COBL: variants seen among roughly 807,000 people sequenced by gnomAD.
The protein encoded by COBL is protein cordon-bleu.
In COBL, 51 loss-of-function variants were observed where a neutral mutation model predicts 98.8. The ratio of observed to expected loss-of-function variants is 0.52; its 90% CI spans 0.41 to 0.65. COBL has a LOEUF of 0.65. Ranked by LOEUF, COBL falls within the 30% of genes least tolerant of loss-of-function variation. The probability of loss-of-function intolerance (pLI) is 0.00; values close to 1 mark genes in which losing one functional copy is unlikely to be tolerated. For synonymous variants in COBL, 634 were observed against 651.7 expected (o/e 0.97, Z 0.41); for missense variants, 1,617 against 1,617.5 (o/e 1.00, Z 0.01).
chr7:51,301,323 G>A (rs762886978), intron 1 of COBL, among the ~76,000 whole-genome samples: 1 of 152,152 alleles, frequency 6.6e-6, no homozygotes. Flanking sequence ...CAACTACCGC[G>A]CCTGGCATCT....
At chr7:51,135,437 A>T (rs1050880608) in intron 6 of COBL, among the ~76,000 whole-genome samples, 3 of 152,138 alleles carry the variant, frequency 2.0e-5, no homozygotes, top group African/African-American at 7.2e-5. Context: ...TGACCAGAGG[A>T]CCGACTTGCA....
chr7:51,178,401 T>G (rs1190278491), intron 5 of COBL, among the ~76,000 whole-genome samples: 1 of 152,028 alleles, frequency 6.6e-6, no homozygotes, highest in African/African-American at 2.4e-5. Context: ...CTGAATGAGG[T>G]TGGATGGATT....
At chr7:51,126,111 T>C (rs1798181433) in intron 6 of COBL, among the ~76,000 whole-genome samples, 2 of 152,140 alleles carry the variant, frequency 1.3e-5, no homozygotes, top group African/African-American at 2.4e-5. Context: ...ACAGATTACT[T>C]GAGGTCAGGA....
At chr7:51,309,523 C>T (rs1472879697) in intron 1 of COBL, among the ~76,000 whole-genome samples, 1 of 152,190 alleles carries the variant, frequency 6.6e-6, no homozygotes, top group African/African-American at 2.4e-5. Flanking sequence ...CAAGCTGAGT[C>T]CAAGCACATC....
intron 7 of COBL, chr7:51,064,574 T>C (rs1451636934): frequency 2.0e-5 from 3 of 152,344 alleles, no homozygotes; most frequent in Non-Finnish European, 4.4e-5. Context: ...TTCGAGGAAA[T>C]TGTGCTAAGT....
chr7:51,185,700 G>A (rs942696400), intron 4 of COBL, among the ~76,000 whole-genome samples: 11 of 152,196 alleles, frequency 7.2e-5, no homozygotes, highest in Non-Finnish European at 1.3e-4. Context: ...GCAGAATCAT[G>A]GACTGGGATT....
chr7:51,040,473 T>G (rs773831851), intron 8 of COBL, among the ~76,000 whole-genome samples: 4 of 152,174 alleles, frequency 2.6e-5, no homozygotes, highest in Non-Finnish European at 4.4e-5. Context: ...TCCTAAAAAC[T>G]AAGGGCAGTA....
chr7:51,146,664 AG>A (rs1771023548), intron 5 of COBL, among the ~76,000 whole-genome samples: 1 of 81,004 alleles, frequency 1.2e-5, no homozygotes, highest in Admixed American at 1.3e-4. Flanking sequence ...GGGCGGGGGG[AG>A]GGGGGCAATA....
intron 8 of COBL, among the ~76,000 whole-genome samples, chr7:51,041,903 A>C (rs1362518113): frequency 1.3e-5 from 2 of 152,218 alleles, no homozygotes; most frequent in Non-Finnish European, 2.9e-5. Context: ...CTATATAATA[A>C]AGAAAGGAAT....
Position 51,190,827 on chromosome 7 carries a change from C to T in COBL, c.685+23G>A, listed in dbSNP as rs780823133. ...GCATCCGTGTGATTATGGGCAGGTG[C>T]GTGAGACGCAGCGGGGCCTCACCTC... On this transcript the variant is annotated intron_variant, in intron 4 of 12. Coordinates refer to ENST00000265136, the MANE Select transcript of COBL (RefSeq NM_015198.5). 2.5e-6 allele frequency: 4 copies of T among 1,592,746 alleles called. No individual in the cohort carries two copies. In the Middle Eastern group the frequency reaches 5.0e-4, roughly 198 times the overall value.
At chr7:51,271,641 T>G (rs1480187634) in intron 1 of COBL, among the ~76,000 whole-genome samples, 1 of 152,212 alleles carries the variant, frequency 6.6e-6, no homozygotes, top group Admixed American at 6.5e-5. Flanking sequence ...GAGAGGAAAC[T>G]GAAAAAGACT....
chr7:51,262,736 G>T (rs139957843), intron 1 of COBL, among the ~76,000 whole-genome samples: 1 of 152,210 alleles, frequency 6.6e-6, no homozygotes, highest in South Asian at 2.1e-4. Flanking sequence ...ACCAGGGGCC[G>T]GTTGGTCCCA....
At chr7:51,287,930 A>G (rs919823281) in intron 1 of COBL, among the ~76,000 whole-genome samples, 3 of 152,180 alleles carry the variant, frequency 2.0e-5, no homozygotes, top group African/African-American at 7.2e-5. Flanking sequence ...GTTAGGTTAT[A>G]CCCTACAATT....
chr7:51,285,061 C>T (rs1800210399), intron 1 of COBL, among the ~76,000 whole-genome samples: 1 of 151,724 alleles, frequency 6.6e-6, no homozygotes, highest in African/African-American at 2.4e-5. Context: ...AAATCTCTGC[C>T]TCAGACTCCT....
intron 6 of COBL, among the ~76,000 whole-genome samples, chr7:51,103,236 T>C (rs7793847): frequency 0.59 from 90,116 of 152,040 alleles, 26,849 homozygotes; most frequent in Middle Eastern, 0.72. Context: ...CTTTAAAAAT[T>C]TACATTTTTT....
intron 5 of COBL, among the ~76,000 whole-genome samples, chr7:51,138,884 G>C (rs1177747849): frequency 1.3e-5 from 2 of 152,098 alleles, no homozygotes; most frequent in Non-Finnish European, 2.9e-5. Flanking sequence ...ACCCTGTCTA[G>C]ACATGGAACT....
intron 8 of COBL, chr7:51,032,375 T>C (rs1788246520): frequency 6.6e-6 from 1 of 152,228 alleles, no homozygotes; most frequent in African/African-American, 2.4e-5. Context: ...TTTCCTATTG[T>C]GCAGAAAACA....
chr7:51,075,254 G>T (rs1792958121), intron 7 of COBL, among the ~76,000 whole-genome samples: 1 of 152,076 alleles, frequency 6.6e-6, no homozygotes, highest in South Asian at 2.1e-4. Flanking sequence ...CTTATATCTA[G>T]ACAATTAACA....
At chr7:51,101,710 C>T (rs1165244785) in intron 6 of COBL, among the ~76,000 whole-genome samples, 1 of 152,222 alleles carries the variant, frequency 6.6e-6, no homozygotes, top group Non-Finnish European at 1.5e-5. Flanking sequence ...CCAGTTTGTG[C>T]TTCAAAGTGT....
Sources: allele counts gnomAD v4.1 joint callset (sites outside exome capture counted in the v4.1 genomes callset), GRCh38; gene constraint gnomAD v4.1.1; transcripts MANE v1.5; gene names NCBI Gene and HGNC (gene_info 2026-07-23, HGNC 2026-07-21).